RNF216: variants seen among roughly 807,000 people sequenced by gnomAD.
RNF216 encodes E3 ubiquitin-protein ligase RNF216.
Under a neutral mutation model 110.8 loss-of-function variants are expected in RNF216, and 72 were observed. The ratio of observed to expected loss-of-function variants is 0.65; its 90% CI spans 0.54 to 0.79. The LOEUF is 0.79. RNF216 is among the 30% of genes least tolerant of loss of function. The pLI, the probability that RNF216 is intolerant of heterozygous loss-of-function variation, is 0.00. For missense variants in RNF216, 1,342 were observed against 1,141.2 expected (o/e 1.18, Z -2.54); for synonymous variants, 495 against 407.5 (o/e 1.21, Z -2.59).
At chr7:5,724,752 G>C (rs918422350) in intron 8 of RNF216, among the ~76,000 whole-genome samples, 1 of 152,204 alleles carries the variant, frequency 6.6e-6, no homozygotes, top group African/African-American at 2.4e-5. Context: ...CTCTAGAAAA[G>C]TTGTAGTAAA....
At chr7:5,672,422 A>G (rs1180392597) in intron 13 of RNF216, among the ~76,000 whole-genome samples, 1 of 152,228 alleles carries the variant, frequency 6.6e-6, no homozygotes, top group African/African-American at 2.4e-5. Flanking sequence ...TTTAATAACA[A>G]GAAGTGAAGC....
At chr7:5,626,321 T>A (rs1786699423) in intron 15 of RNF216, among the ~76,000 whole-genome samples, 3 of 151,056 alleles carry the variant, frequency 2.0e-5, no homozygotes, top group African/African-American at 7.3e-5. Context: ...GGCCTCCATG[T>A]GAATATCAAG....
At chr7:5,765,476 A>T (rs1398342397) in intron 1 of RNF216, among the ~76,000 whole-genome samples, 3 of 151,958 alleles carry the variant, frequency 2.0e-5, no homozygotes, top group Non-Finnish European at 4.4e-5. Flanking sequence ...AAAATAAAAA[A>T]ATAAAAAATA....
rs534977836 is a variant in RNF216 at position 5,643,095 on chromosome 7, C to T, written c.2160-1719G>A. 6.0e-4 allele frequency among the ~76,000 whole-genome samples: 91 copies of T among 152,230 alleles called. 1 individual carries two copies. Among genetic ancestry groups the T allele is most frequent in the Admixed American group, 2.9e-3 (45 of 15,288 alleles). ...TATGGAGGGAGAAAAAAAGGCTCTC[C>T]TAAAATGGACAGAGGAATACATAAA... On this transcript the variant is annotated intron_variant, in intron 14 of 16. Coordinates refer to ENST00000389902, the MANE Select transcript of RNF216 (RefSeq NM_207111.4).
intron 3 of RNF216, among the ~76,000 whole-genome samples, chr7:5,743,925 G>C (rs1415166146): frequency 6.6e-6 from 1 of 152,136 alleles, no homozygotes; most frequent in African/African-American, 2.4e-5. Flanking sequence ...AACCAATTAA[G>C]ATCCTCTATA....
chr7:5,732,216 T>C (rs1246997651), intron 5 of RNF216, among the ~76,000 whole-genome samples: 2 of 152,220 alleles, frequency 1.3e-5, no homozygotes, highest in East Asian at 3.8e-4. Context: ...TGGTGTGCAC[T>C]GAGGTTATGC....
intron 13 of RNF216, among the ~76,000 whole-genome samples, chr7:5,704,623 A>T (rs1792173441): frequency 6.6e-6 from 1 of 152,188 alleles, no homozygotes; most frequent in African/African-American, 2.4e-5. Flanking sequence ...AAGAGGAAGA[A>T]AACCCTTTCC....
chr7:5,651,615 A>G (rs992809939), intron 14 of RNF216, among the ~76,000 whole-genome samples: 1 of 151,944 alleles, frequency 6.6e-6, no homozygotes, highest in African/African-American at 2.4e-5. Context: ...AGAGAAGAGA[A>G]AGAGATTTCA....
Position 5,653,418 on chromosome 7 carries a change from G to A in RNF216, c.2062-908C>T, listed in dbSNP as rs561246539. Among the ~76,000 whole-genome samples, 24 of 151,766 alleles carry A rather than the reference G, an allele frequency of 1.6e-4. No individual in the cohort carries two copies. The South Asian group carries it at 4.6e-3, about 29-fold the overall frequency. Reference sequence around the variant, plus strand: ...TTGAAACCATCCTGGCTAACACGGTGAAACCCTGTCTCTACTAAAAATACA... The same window carrying A: ...TTGAAACCATCCTGGCTAACACGGTAAAACCCTGTCTCTACTAAAAATACA... On this transcript the variant is annotated intron_variant, in intron 13 of 16. Transcript: ENST00000389902.
At chr7:5,740,887 CA>C in intron 4 of RNF216, 85 bp downstream of exon 4, 1 of 1,366,244 alleles carries the variant, frequency 7.3e-7, no homozygotes. Flanking sequence ...CGCATACCAA[CA>C]ACTTTTTTTT....
intron 13 of RNF216, among the ~76,000 whole-genome samples, chr7:5,706,476 C>A (rs1265495174): frequency 1.3e-5 from 2 of 152,178 alleles, no homozygotes; most frequent in Non-Finnish European, 2.9e-5. Context: ...TGGAATCGTG[C>A]AGTATCTGTC....
intron 13 of RNF216, among the ~76,000 whole-genome samples, chr7:5,692,658 C>T (rs919703045): frequency 6.6e-6 from 1 of 152,178 alleles, no homozygotes; most frequent in East Asian, 1.9e-4. Flanking sequence ...TCGCCTCCAG[C>T]CCGAGGCAAG....
chr7:5,687,463 G>C (rs546648443), intron 13 of RNF216, among the ~76,000 whole-genome samples: 3 of 151,838 alleles, frequency 2.0e-5, no homozygotes, highest in Admixed American at 2.0e-4. Flanking sequence ...CATGATGTGG[G>C]ATTTTCAGAA....
rs1237132960 is a variant in RNF216, at chr7:5,752,972, G to A, written c.75C>T (p.Ile25=). ...NFHCHRGQEW[I]NLRDGPITIS... ...TGGTGATGGGCCCATCTCGGAGATT[G>A]ATCCACTCTACAGGAAAGCAGAGAA... Residue 25 remains isoleucine (I), a synonymous_variant, in exon 3 of 17, where the codon ATC becomes ATT. Coordinates refer to ENST00000389902, the MANE Select transcript of RNF216 (RefSeq NM_207111.4). 1.2e-6 allele frequency: 2 copies of A among 1,610,766 alleles called. No individual in the cohort carries two copies. The highest frequency in any genetic ancestry group is 2.2e-5 in the South Asian group (2 of 89,972).
chr7:5,641,047 ATTC>A, intron 15 of RNF216, 104 bp downstream of exon 15: 2 of 881,932 alleles, frequency 2.3e-6, no homozygotes, highest in East Asian at 2.7e-5. Context: ...AATTTCCTAT[ATTC>A]TTCTCCTAAG....
At chr7:5,684,601 C>T (rs1037249675) in intron 13 of RNF216, among the ~76,000 whole-genome samples, 1 of 152,146 alleles carries the variant, frequency 6.6e-6, no homozygotes, top group Non-Finnish European at 1.5e-5. Flanking sequence ...GGCAGTAAAG[C>T]CCATCCCATG....
intron 9 of RNF216, among the ~76,000 whole-genome samples, chr7:5,717,627 G>A (rs1447583972): frequency 1.3e-5 from 2 of 152,058 alleles, no homozygotes; most frequent in Non-Finnish European, 2.9e-5. Context: ...CATCAATAGG[G>A]GAATGACTGA....
Position 5,624,245 on chromosome 7 carries a change from G to T in RNF216, c.2383-120C>A. On this transcript the variant is annotated intron_variant, in intron 15 of 16. Transcript: ENST00000389902. The surrounding 1 kb of genome is among the most constrained non-coding windows in gnomAD (Gnocchi z 4.4). Reference sequence around the variant, plus strand: ...TGGAACAAGCCCGAAGCCTGCTGCTGGCCAGTGGGGCCTGGGCTGCACACC... The same window carrying T: ...TGGAACAAGCCCGAAGCCTGCTGCTTGCCAGTGGGGCCTGGGCTGCACACC... 1 of 749,518 alleles carries T rather than the reference G, an allele frequency of 1.3e-6. No homozygotes were observed. Among genetic ancestry groups the T allele is most frequent in the Non-Finnish European group, 2.2e-6 (1 of 448,650 alleles). The allele number at this position is 749,518 out of a possible 1,614,324, so 46.4% of individuals were successfully genotyped here. A position where few individuals can be genotyped will look rare whatever the true frequency, so the allele number is the denominator to read the frequency against.
intron 1 of RNF216, among the ~76,000 whole-genome samples, chr7:5,765,022 G>C (rs1796128765): frequency 6.7e-6 from 1 of 148,324 alleles, no homozygotes; most frequent in Non-Finnish European, 1.5e-5. Flanking sequence ...AGTAAGCTAT[G>C]ACCAACCCAC....
Sources: gnomAD v4.1 joint callset for allele counts (sites outside exome capture counted in the v4.1 genomes callset) on GRCh38, gnomAD v4.1.1 for gene constraint, Gnocchi (gnomAD v3.1) non-coding constraint, MANE v1.5 for transcripts, NCBI Gene and HGNC (gene_info 2026-07-23, HGNC 2026-07-21) for gene names.